The following PKHD1 variants were observed in gnomAD, a reference collection of about 807,000 sequenced individuals.
PKHD1 encodes the protein fibrocystin.
A neutral mutation model predicts 412.0 loss-of-function variants in PKHD1; 291 were observed. The ratio of observed to expected loss-of-function variants is 0.71; its 90% CI spans 0.64 to 0.78. PKHD1 has a LOEUF of 0.78. PKHD1 is among the 30% of genes least tolerant of loss of function. The pLI is 0.00. For synonymous variants in PKHD1, 1,777 were observed against 1,821.5 expected (o/e 0.98, Z 0.62); for missense variants, 4,825 against 4,950.7 (o/e 0.97, Z 0.76).
chr6:51,632,717 T>C lies in PKHD1; in HGVS notation c.11513A>G (p.Asn3838Ser). The C allele has an allele frequency of 6.2e-6, 10 of 1,612,906 alleles. No homozygotes were observed. The highest frequency in any genetic ancestry group is 8.5e-6 in the Non-Finnish European group (10 of 1,179,184). Residue 3838 changes from asparagine (N) to serine (S), a missense_variant, in exon 65 of 67, where the codon AAT becomes AGT. By Grantham distance (46) the Asn-to-Ser change is conservative (BLOSUM62 1). Coordinates refer to ENST00000371117, the MANE Select transcript of PKHD1 (RefSeq NM_138694.4). ...AAATGGCTTGGATCGAGCTGTAAAA[T>C]TGACTCCTGTGGCGGGGAAAAGAAG... is the stretch of plus-strand genomic sequence containing the variant. ...IFTVTSPPGV[N>S]FTARSKPFAV...
chr6:51,857,544 A>T (rs1677563580), intron 48 of PKHD1, among the ~76,000 whole-genome samples: 1 of 152,210 alleles, frequency 6.6e-6, no homozygotes, highest in Admixed American at 6.5e-5. Flanking sequence ...TAACCTTTAG[A>T]TTCATTTCTT....
chr6:51,886,523 G>A (rs940136947), intron 44 of PKHD1, among the ~76,000 whole-genome samples: 1 of 152,168 alleles, frequency 6.6e-6, no homozygotes, highest in African/African-American at 2.4e-5. Context: ...GGGACACTGT[G>A]CTGGGTGAGG....
intron 52 of PKHD1, among the ~76,000 whole-genome samples, chr6:51,801,835 G>A (rs1252659973): frequency 1.3e-5 from 2 of 152,024 alleles, no homozygotes; most frequent in Non-Finnish European, 2.9e-5. Context: ...AATTCCCATA[G>A]TAGAATAAAC....
intron 60 of PKHD1, among the ~76,000 whole-genome samples, chr6:51,691,466 T>C (rs1429763866): frequency 6.6e-6 from 1 of 152,186 alleles, no homozygotes; most frequent in African/African-American, 2.4e-5. Context: ...CATGGAATAC[T>C]ATGTAGCCAC....
chr6:52,058,509 G>C lies in PKHD1; in HGVS notation c.1326C>G (p.Pro442=). 6.2e-7 allele frequency: 1 copy of C among 1,614,158 alleles called. No homozygotes were observed. The highest frequency in any genetic ancestry group is 8.5e-7 in the Non-Finnish European group (1 of 1,180,010). Residue 442 remains proline (P), a synonymous_variant, in exon 16 of 67, where the codon CCC becomes CCG. Coordinates refer to ENST00000371117, the MANE Select transcript of PKHD1 (RefSeq NM_138694.4). The stretch of plus-strand genomic sequence containing the variant: ...TGGCTCCACCCAACAGCTCCAACTT[G>C]GGAGTCTTCTGCTGCCAGGTCCCTT... ...RDEGTWQQKT[P]KLELLGGAMY... is the part of the protein sequence containing the mutation.
At chr6:51,886,815 C>T (rs1193466164) in intron 44 of PKHD1, among the ~76,000 whole-genome samples, 5 of 152,116 alleles carry the variant, frequency 3.3e-5, no homozygotes, top group South Asian at 2.1e-4. Context: ...TTGTGTCAAA[C>T]GTTCTTACAG....
chr6:51,837,974 GT>G (rs1769534120), intron 50 of PKHD1, among the ~76,000 whole-genome samples: 1 of 152,064 alleles, frequency 6.6e-6, no homozygotes, highest in Admixed American at 6.6e-5. Flanking sequence ...TGCTTAAATT[GT>G]TCCTTCACCC....
chr6:51,700,651 T>A (rs576433903), intron 60 of PKHD1, among the ~76,000 whole-genome samples: 1 of 152,134 alleles, frequency 6.6e-6, no homozygotes, highest in East Asian at 1.9e-4. Flanking sequence ...GAGATTAATA[T>A]CTAACTTGTG....
intron 66 of PKHD1, among the ~76,000 whole-genome samples, chr6:51,623,442 CATT>C (rs1217503834): frequency 6.6e-6 from 1 of 151,794 alleles, no homozygotes; most frequent in East Asian, 1.9e-4. Flanking sequence ...TTTGGACTGA[CATT>C]ATATTTGAGT....
At chr6:51,984,372 A>G (rs1017507332) in intron 35 of PKHD1, among the ~76,000 whole-genome samples, 1 of 152,246 alleles carries the variant, frequency 6.6e-6, no homozygotes, top group African/African-American at 2.4e-5. Context: ...CTCAACAAAG[A>G]AGGCTTTAGG....
intron 60 of PKHD1, among the ~76,000 whole-genome samples, chr6:51,703,907 T>A (rs971282737): frequency 1.1e-4 from 16 of 152,024 alleles, no homozygotes; most frequent in African/African-American, 2.9e-4. Flanking sequence ...GTCAAGATGC[T>A]CTACTGTTTT....
Position 51,912,044 on chromosome 6 carries a change from C to T in PKHD1, c.6333-88G>A. On this transcript the variant is annotated intron_variant, in intron 38 of 66. Coordinates refer to ENST00000371117, the MANE Select transcript of PKHD1 (RefSeq NM_138694.4). ...AGCCACTAGATTAACATAATTCTTCCTTTGGGGATCTATTCATGTTTCTTT... is the reference window on the plus strand; with the variant it reads ...AGCCACTAGATTAACATAATTCTTCTTTTGGGGATCTATTCATGTTTCTTT... 5 of 1,023,036 alleles carry T rather than the reference C, an allele frequency of 4.9e-6. No homozygotes were observed. The Admixed American group carries it at 9.8e-5, about 20-fold the overall frequency. 63.4% of individuals were successfully genotyped at this position (1,023,036 alleles called of 1,614,324 possible). A position where few individuals can be genotyped will look rare whatever the true frequency, so the allele number is the denominator to read the frequency against.
intron 46 of PKHD1, 57 bp downstream of exon 46, chr6:51,883,036 A>T: frequency 7.2e-7 from 1 of 1,395,766 alleles, no homozygotes; most frequent in Non-Finnish European, 1.0e-6. Context: ...CAGGGGGCCC[A>T]GCACATGTAA....
At chr6:51,937,783 G>A (rs571159396) in intron 36 of PKHD1, among the ~76,000 whole-genome samples, 110 of 152,234 alleles carry the variant, frequency 7.2e-4, no homozygotes, top group Non-Finnish European at 1.3e-3. Context: ...TATTGAAATA[G>A]TTCTTATAGA....
chr6:51,685,588 G>A (rs139212898), intron 60 of PKHD1, among the ~76,000 whole-genome samples: 18 of 152,058 alleles, frequency 1.2e-4, no homozygotes, highest in East Asian at 7.7e-4. Context: ...GGTCCCTTTC[G>A]TTATCTCACC....
At chr6:51,666,800 T>G (rs949672582) in intron 60 of PKHD1, among the ~76,000 whole-genome samples, 1 of 151,036 alleles carries the variant, frequency 6.6e-6, no homozygotes, top group African/African-American at 2.4e-5. Context: ...CAGTGTTTGG[T>G]TTTTTGTTCT....
intron 50 of PKHD1, among the ~76,000 whole-genome samples, chr6:51,838,798 C>T (rs1769680223): frequency 6.6e-6 from 1 of 152,130 alleles, no homozygotes; most frequent in South Asian, 2.1e-4. Flanking sequence ...TAGACATGGG[C>T]CACTGACAAG....
At chr6:52,086,562 G>T (rs1356578998) in intron 1 of PKHD1, among the ~76,000 whole-genome samples, 1 of 151,938 alleles carries the variant, frequency 6.6e-6, no homozygotes, top group East Asian at 1.9e-4. Flanking sequence ...TTCTGATTGA[G>T]ACAGCTGGAA....
At chr6:51,861,345 T>A (rs1168111696) in intron 48 of PKHD1, among the ~76,000 whole-genome samples, 2 of 152,216 alleles carry the variant, frequency 1.3e-5, no homozygotes, top group Non-Finnish European at 2.9e-5. Flanking sequence ...TTAGCTTACT[T>A]TTCCTGAGGG....
Sources: gnomAD v4.1 joint callset for allele counts (sites outside exome capture counted in the v4.1 genomes callset) on GRCh38, gnomAD v4.1.1 for gene constraint, MANE v1.5 for transcripts, NCBI Gene and HGNC (gene_info 2026-07-23, HGNC 2026-07-21) for gene names.